XYLT1: variants seen among roughly 807,000 people sequenced by gnomAD.
XYLT1 encodes the protein beta-D-xylosyltransferase 1.
In XYLT1, 36 loss-of-function variants were observed where a neutral mutation model predicts 91.3. That is an observed-to-expected ratio of 0.39 (90% CI 0.30 to 0.52). XYLT1 has a LOEUF of 0.52. Among genes scored for constraint, XYLT1 ranks in the 20% least tolerant of loss-of-function variants. XYLT1 has a pLI of 0.68. For synonymous variants in XYLT1, 588 were observed against 532.0 expected (o/e 1.11, Z -1.45); for missense variants, 1,242 against 1,284.5 (o/e 0.97, Z 0.51).
rs1197877799 is a variant in XYLT1 at position 17,316,999 on chromosome 16, T to G, written c.402+41013A>C. ...CACCTCGCCCGGCTAATTTTTTGTA[T>G]TTTTAGTAGAGACGGAGTTTCACCG... is the stretch of plus-strand genomic sequence containing the variant. On this transcript the variant is annotated intron_variant, in intron 2 of 11. Transcript: ENST00000261381. Among the ~76,000 whole-genome samples the G allele has an allele frequency of 1.1e-3, 168 of 151,398 alleles. 2 individuals are homozygous for G. Among genetic ancestry groups the G allele is most frequent in the Non-Finnish European group, 1.9e-4 (13 of 67,904 alleles).
At chr16:17,138,558 G>C (rs774133371) in intron 7 of XYLT1, 27 bp from the exon 8 acceptor site, 53 of 1,605,710 alleles carry the variant, frequency 3.3e-5, no homozygotes, top group Non-Finnish European at 4.4e-5. Flanking sequence ...GACCCAGCCT[G>C]AGACCTCTCC....
At position 17,108,602 on chromosome 16, in the gene XYLT1, C is replaced by T; in HGVS notation, c.*93G>A. The T allele has an allele frequency of 2.3e-6, 3 of 1,278,516 alleles. No homozygotes were observed. Among genetic ancestry groups the T allele is most frequent in the Non-Finnish European group, 3.1e-6 (3 of 953,866 alleles). 79.2% of individuals were successfully genotyped at this position (1,278,516 alleles called of 1,614,324 possible). On this transcript the variant is annotated 3_prime_UTR_variant, in exon 12 of 12. Transcript: ENST00000261381. ...GGAGAGACCCATTCACAGAGGGCCT[C>T]CCCCAGGGTGGGAGGCCGGGGTTCA...
At chr16:17,307,747 AC>A (rs914023280) in intron 2 of XYLT1, among the ~76,000 whole-genome samples, 20 of 152,184 alleles carry the variant, frequency 1.3e-4, no homozygotes, top group African/African-American at 4.6e-4. Flanking sequence ...ATGCTTCCAT[AC>A]CCAGGGCCTT....
At chr16:17,257,939 GA>G (rs1398247858) in intron 3 of XYLT1, among the ~76,000 whole-genome samples, 1 of 152,132 alleles carries the variant, frequency 6.6e-6, no homozygotes, top group Non-Finnish European at 1.5e-5. Flanking sequence ...TCACTACCAA[GA>G]AATACACATC....
intron 3 of XYLT1, among the ~76,000 whole-genome samples, chr16:17,226,264 C>T (rs1482942971): frequency 6.6e-6 from 1 of 152,216 alleles, no homozygotes; most frequent in Non-Finnish European, 1.5e-5. Context: ...ACCAATGAAA[C>T]ACCAGCAGCA....
intron 2 of XYLT1, among the ~76,000 whole-genome samples, chr16:17,321,239 C>CAAAGG (rs1188447935): frequency 6.7e-6 from 1 of 149,882 alleles, no homozygotes; most frequent in Non-Finnish European, 1.5e-5. Flanking sequence ...GCCTCATGCT[C>CAAAGG]AAAGGATCTC....
chr16:17,261,380 T>C (rs1459988779), intron 2 of XYLT1, among the ~76,000 whole-genome samples: 1 of 152,204 alleles, frequency 6.6e-6, no homozygotes, highest in East Asian at 1.9e-4. Context: ...AGTACTGCTA[T>C]GACTTTCATT....
intron 2 of XYLT1, among the ~76,000 whole-genome samples, chr16:17,317,495 TG>T (rs1191575498): frequency 6.6e-6 from 1 of 151,384 alleles, no homozygotes; most frequent in Non-Finnish European, 1.5e-5. Flanking sequence ...TAGCTGGGTA[TG>T]GTAGCATGTG....
At chr16:17,112,460 C>T (rs1445106383) in intron 11 of XYLT1, among the ~76,000 whole-genome samples, 2 of 152,000 alleles carry the variant, frequency 1.3e-5, no homozygotes, top group African/African-American at 4.8e-5. Context: ...GAAGAAAACA[C>T]TGGAAAAATC....
At chr16:17,316,864 C>G (rs2034641196) in intron 2 of XYLT1, among the ~76,000 whole-genome samples, 1 of 151,164 alleles carries the variant, frequency 6.6e-6, no homozygotes, top group South Asian at 2.1e-4. Context: ...CTCTGTCGCC[C>G]AGGCTGGAGT....
At chr16:17,214,525 G>C (rs2032819803) in intron 3 of XYLT1, among the ~76,000 whole-genome samples, 1 of 152,116 alleles carries the variant, frequency 6.6e-6, no homozygotes, top group South Asian at 2.1e-4. Flanking sequence ...TAGAATCCAA[G>C]AGCATAACAA....
At chr16:17,182,464 C>CT (rs1376184270) in intron 5 of XYLT1, among the ~76,000 whole-genome samples, 1 of 152,080 alleles carries the variant, frequency 6.6e-6, no homozygotes, top group Non-Finnish European at 1.5e-5. Flanking sequence ...CTCATTTTAC[C>CT]TTAAGTACCT....
At chr16:17,311,035 A>G (rs1489930642) in intron 2 of XYLT1, among the ~76,000 whole-genome samples, 3 of 152,208 alleles carry the variant, frequency 2.0e-5, no homozygotes, top group Non-Finnish European at 4.4e-5. Context: ...GCTCACACGC[A>G]TCTTGTTTCC....
chr16:17,262,843 T>C (rs2033743791), intron 2 of XYLT1, among the ~76,000 whole-genome samples: 1 of 152,172 alleles, frequency 6.6e-6, no homozygotes, highest in Non-Finnish European at 1.5e-5. Context: ...TGTGTTACTG[T>C]AGCATGGTCT....
chr16:17,321,835 C>CA (rs2034728042), intron 2 of XYLT1, among the ~76,000 whole-genome samples: 1 of 152,028 alleles, frequency 6.6e-6, no homozygotes, highest in South Asian at 2.1e-4. Context: ...CCCCTGCACA[C>CA]AAAAAATGAC....
At chr16:17,181,421 A>G (rs1229669533) in intron 5 of XYLT1, among the ~76,000 whole-genome samples, 1 of 152,264 alleles carries the variant, frequency 6.6e-6, no homozygotes, top group East Asian at 1.9e-4. Flanking sequence ...GTTTTTGTCC[A>G]GAATTAATAA....
intron 5 of XYLT1, among the ~76,000 whole-genome samples, chr16:17,187,755 C>A (rs1451341633): frequency 6.6e-6 from 1 of 151,768 alleles, no homozygotes; most frequent in African/African-American, 2.4e-5. Flanking sequence ...AAGCAATTCT[C>A]ACTTATTTTA....
intron 1 of XYLT1, among the ~76,000 whole-genome samples, chr16:17,368,054 G>A (rs569879173): frequency 7.9e-5 from 12 of 152,304 alleles, no homozygotes; most frequent in African/African-American, 2.9e-4. Flanking sequence ...TATTGTCGAA[G>A]ATACAGGAAA....
chr16:17,448,113 A>G (rs2036616039), intron 1 of XYLT1, among the ~76,000 whole-genome samples: 3 of 152,252 alleles, frequency 2.0e-5, no homozygotes, highest in African/African-American at 7.2e-5. Context: ...CACACCTGTA[A>G]TCCCACCACT....
Sources: gnomAD v4.1 joint callset for allele counts (sites outside exome capture counted in the v4.1 genomes callset) on GRCh38, gnomAD v4.1.1 for gene constraint, MANE v1.5 for transcripts, NCBI Gene and HGNC (gene_info 2026-07-23, HGNC 2026-07-21) for gene names.